HMGA2: variants seen among roughly 807,000 people sequenced by gnomAD.
HMGA2 encodes high mobility group protein HMGI-C.
In HMGA2, 8 loss-of-function variants were observed where a neutral mutation model predicts 19.1. The ratio of observed to expected loss-of-function variants is 0.42; its 90% confidence interval spans 0.25 to 0.76. The LOEUF (loss-of-function observed/expected upper bound fraction) is 0.76, where lower values mean the gene tolerates loss of function less well. Among genes scored for constraint, HMGA2 ranks in the 30% least tolerant of loss-of-function variants. HMGA2 has a pLI of 0.28. For synonymous variants in HMGA2, 60 were observed against 48.8 expected (o/e 1.23, Z -0.96); for missense variants, 109 against 136.3 (o/e 0.80, Z 1.00).
intron 3 of HMGA2, among the ~76,000 whole-genome samples, chr12:65,839,502 ATGTTCC>A (rs1181711649): frequency 1.3e-5 from 2 of 151,764 alleles, no homozygotes; most frequent in Non-Finnish European, 2.9e-5. Context: ...GCTGGATTAT[ATGTTCC>A]TGTTTGCCAT....
intron 3 of HMGA2, among the ~76,000 whole-genome samples, chr12:65,911,107 G>C (rs550443458): frequency 2.6e-5 from 4 of 152,282 alleles, no homozygotes; most frequent in African/African-American, 9.6e-5. Context: ...AAGCTTAAAA[G>C]CTGATATCGA....
At chr12:65,862,966 G>T (rs1055559966) in intron 3 of HMGA2, among the ~76,000 whole-genome samples, 5 of 152,300 alleles carry the variant, frequency 3.3e-5, no homozygotes, top group Admixed American at 3.3e-4. Flanking sequence ...CCGTCCACAC[G>T]AACTTACGCA....
At chr12:65,956,170 T>G (rs1001336303) in intron 4 of HMGA2, 1 of 152,228 alleles carries the variant, frequency 6.6e-6, no homozygotes. Context: ...AGGAGCATAA[T>G]GATTTATACT....
intron 2 of HMGA2, among the ~76,000 whole-genome samples, chr12:65,835,046 A>T (rs1870654228): frequency 6.6e-6 from 1 of 152,238 alleles, no homozygotes; most frequent in Non-Finnish European, 1.5e-5. Flanking sequence ...AATTCCGACC[A>T]TATCTCCCTT....
intron 3 of HMGA2, among the ~76,000 whole-genome samples, chr12:65,863,701 A>G (rs1473209272): frequency 1.3e-5 from 2 of 152,232 alleles, no homozygotes; most frequent in Non-Finnish European, 2.9e-5. Flanking sequence ...GAGGTTAGGA[A>G]TACCAAATCC....
chr12:65,827,942 G>A (rs1394107869), intron 1 of HMGA2, 59 bp from the exon 2 acceptor site: 1 of 1,182,434 alleles, frequency 8.5e-7, no homozygotes, highest in Non-Finnish European at 1.3e-6. Context: ...TAAAGAGTCA[G>A]GGTCAATTTC....
chr12:65,944,413 G>T (rs1876190329), intron 3 of HMGA2, among the ~76,000 whole-genome samples: 1 of 152,148 alleles, frequency 6.6e-6, no homozygotes, highest in Admixed American at 6.6e-5. Context: ...CAGTCCTGGT[G>T]CTCTGGAAGA....
chr12:65,929,150 C>T (rs1175751100), intron 3 of HMGA2, among the ~76,000 whole-genome samples: 1 of 152,140 alleles, frequency 6.6e-6, no homozygotes, highest in African/African-American at 2.4e-5. Flanking sequence ...GTTCTCAAAA[C>T]TCCTTCCTAC....
At chr12:65,949,991 C>T (rs914058433) in intron 3 of HMGA2, among the ~76,000 whole-genome samples, 1 of 152,134 alleles carries the variant, frequency 6.6e-6, no homozygotes, top group African/African-American at 2.4e-5. Flanking sequence ...CAAATTGAAA[C>T]AGCAATGATG....
chr12:65,907,407 G>A (rs373485447), intron 3 of HMGA2, among the ~76,000 whole-genome samples: 48 of 121,702 alleles, frequency 3.9e-4, no homozygotes, highest in African/African-American at 1.2e-3. Flanking sequence ...GAGAGATTCC[G>A]TCTCAAAAAA....
rs1478034663 is a variant in HMGA2 at position 65,825,638 on chromosome 12, C to T, written c.111+257C>T. Among the ~76,000 whole-genome samples the T allele has an allele frequency of 6.6e-6, 1 of 151,854 alleles. No homozygotes were observed. The highest frequency in any genetic ancestry group is 1.5e-5 in the Non-Finnish European group (1 of 67,902). On this transcript the variant is annotated intron_variant, in intron 1 of 4. Coordinates refer to ENST00000403681, the MANE Select transcript of HMGA2 (RefSeq NM_003483.6). The surrounding 1 kb of genome is among the most constrained non-coding windows in gnomAD (Gnocchi z 4.4). ...GCGGGAGGTGGGGTCGGGCGAAGCG[C>T]GTCCTCGGACTTTCGCTATTGTGCA...
chr12:65,824,655 G>T lies in HMGA2; in HGVS notation c.-616G>T, dbSNP rs976945437. On this transcript the variant is annotated 5_prime_UTR_variant, in exon 1 of 5. Coordinates refer to ENST00000403681, the MANE Select transcript of HMGA2 (RefSeq NM_003483.6). ...CTCCGTGCCCGACCCTATCCCGGCG[G>T]AGTCTCCCCATCCTCCTTTGCTTTC... The T allele has an allele frequency of 2.2e-5, 5 of 230,992 alleles. No individual in the cohort carries two copies. Among genetic ancestry groups the T allele is most frequent in the Non-Finnish European group, 2.5e-5 (3 of 118,262 alleles). 14.3% of individuals were successfully genotyped at this position (230,992 alleles called of 1,614,324 possible). A position where few individuals can be genotyped will look rare whatever the true frequency, so the allele number is the denominator to read the frequency against.
intron 3 of HMGA2, among the ~76,000 whole-genome samples, chr12:65,901,813 T>G (rs1874383655): frequency 6.6e-6 from 1 of 152,006 alleles, no homozygotes; most frequent in Admixed American, 6.6e-5. Context: ...CAATTTTCTG[T>G]TGAGTCCTAT....
chr12:65,861,649 A>T (rs1391336592), intron 3 of HMGA2, among the ~76,000 whole-genome samples: 1 of 150,278 alleles, frequency 6.7e-6, no homozygotes, highest in Admixed American at 6.6e-5. Flanking sequence ...AAACCTAGAT[A>T]CTATATATAT....
In HMGA2 at chr12:65,917,730, G is replaced by C. The variant is rs543013756; in HGVS notation, c.250-33653G>C. Among the ~76,000 whole-genome samples the C allele has an allele frequency of 2.8e-4, 42 of 152,292 alleles. No homozygotes were observed. In the South Asian group the frequency reaches 7.7e-3, roughly 28 times the overall value. On this transcript the variant is annotated intron_variant, in intron 3 of 4. Transcript: ENST00000403681. ...CTGGAGTTTCCTGGAGTGTGCAGTT[G>C]TGGAGCCCTAGATCTGTGGGTTTGG...
rs760660488 is a variant in HMGA2, at chr12:65,914,899, T to C, written c.250-36484T>C. ...CATGTTGGCCAGGCTGGTCTCGAAC[T>C]CCTGACCTCAGGTGAGCCACCCACC... On this transcript the variant is annotated intron_variant, in intron 3 of 4. Coordinates refer to ENST00000403681, the MANE Select transcript of HMGA2 (RefSeq NM_003483.6). 2.5e-5 allele frequency: 21 copies of C among 839,002 alleles called. 3 individuals are homozygous for C. In the South Asian group the frequency reaches 2.9e-4, roughly 11 times the overall value. 52.0% of individuals were successfully genotyped at this position (839,002 alleles called of 1,614,324 possible).
intron 3 of HMGA2, among the ~76,000 whole-genome samples, chr12:65,854,530 T>C (rs955299433): frequency 6.6e-6 from 1 of 152,250 alleles, no homozygotes; most frequent in Non-Finnish European, 1.5e-5. Flanking sequence ...TCAAGTTATA[T>C]ACAACTTTAT....
At chr12:65,838,494 T>A (rs375728919) in intron 2 of HMGA2, 25 bp from the exon 3 acceptor site, 1 of 1,597,184 alleles carries the variant, frequency 6.3e-7, no homozygotes, top group South Asian at 1.1e-5. Flanking sequence ...TAGAAAACTA[T>A]AATGACTTCC....
chr12:65,952,560 C>T lies in HMGA2; in HGVS notation c.282+1145C>T, dbSNP rs531599729. On this transcript the variant is annotated intron_variant, in intron 4 of 4. Transcript: ENST00000403681. ...AATCATTTTCATTGCTGCTCCCATA[C>T]CTAAAAGCTAAGAGTGGGAGAGGGG... 477 of 1,364,386 alleles carry T rather than the reference C, an allele frequency of 3.5e-4. 8 individuals are homozygous for T. In the South Asian group the frequency reaches 8.0e-3, roughly 23 times the overall value. The allele number at this position is 1,364,386 out of a possible 1,614,324, so 84.5% of individuals were successfully genotyped here. A position where few individuals can be genotyped will look rare whatever the true frequency, so the allele number is the denominator to read the frequency against.
Sources: allele counts gnomAD v4.1 joint callset (sites outside exome capture counted in the v4.1 genomes callset), GRCh38; gene constraint gnomAD v4.1.1; non-coding constraint Gnocchi (gnomAD v3.1); transcripts MANE v1.5; gene names NCBI Gene and HGNC (gene_info 2026-07-23, HGNC 2026-07-21).